Variants in SMIM43 observed in about 807,000 individuals in gnomAD.
SMIM43 encodes the protein Nodal Enhanced MEsendoderm Peptide.
upstream of SMIM43, chr4:121,765,311 C>T: frequency 2.8e-6 from 1 of 358,906 alleles, no homozygotes. Flanking sequence ...CGCAGACTCT[C>T]CCAGCTGGCA....
intron 1 of SMIM43, chr4:121,764,387 C>T (rs1043206299): frequency 5.9e-5 from 9 of 152,182 alleles, no homozygotes; most frequent in African/African-American, 1.9e-4. Flanking sequence ...ATATTTAAAG[C>T]AATATTTAAA....
chr4:121,760,646 T>C (rs1050171380), intron 5 of SMIM43, among the ~76,000 whole-genome samples, 172 bp from the exon 6 acceptor site: 3 of 152,204 alleles, frequency 2.0e-5, no homozygotes, highest in Admixed American at 2.0e-4. Context: ...TCCTATTCCA[T>C]TACCAAGATA....
Position 121,760,144 on chromosome 4 carries a change from G to T in SMIM43, c.*830C>A. The T allele has an allele frequency of 7.9e-7, 1 of 1,260,016 alleles. No homozygotes were observed. Among genetic ancestry groups the T allele is most frequent in the Non-Finnish European group, 1.1e-6 (1 of 925,200 alleles). 78.1% of individuals were successfully genotyped at this position (1,260,016 alleles called of 1,614,324 possible). A position where few individuals can be genotyped will look rare whatever the true frequency, so the allele number is the denominator to read the frequency against. ...AAGGAACTAGAGTTTTGATCTTTTT[G>T]AACTTTATGCTCCTCTGCAACTGTA... On this transcript the variant is annotated 3_prime_UTR_variant, in exon 6 of 6. Transcript: ENST00000643802.
intron 5 of SMIM43, among the ~76,000 whole-genome samples, chr4:121,760,685 G>A (rs937952047): frequency 6.6e-6 from 1 of 152,174 alleles, no homozygotes; most frequent in African/African-American, 2.4e-5. Context: ...CAATAGGAAA[G>A]TGTGATTTTT....
rs865858462 is a variant in SMIM43 at position 121,759,942 on chromosome 4, C to T, written c.*1032G>A. ...ACACCAACCCTCCACAAAGAGGTTA[C>T]GGCCACCAAGGAAGTGCACAGGTAC... On this transcript the variant is annotated 3_prime_UTR_variant, in exon 6 of 6. Transcript: ENST00000643802. 4 of 167,076 alleles carry T rather than the reference C, an allele frequency of 2.4e-5. No individual in the cohort carries two copies. Among genetic ancestry groups the T allele is most frequent in the South Asian group, 3.4e-4 (2 of 5,818 alleles). 10.3% of individuals were successfully genotyped at this position (167,076 alleles called of 1,614,324 possible). A position where few individuals can be genotyped will look rare whatever the true frequency, so the allele number is the denominator to read the frequency against.
At chr4:121,761,769 A>AT (rs571460148) in intron 4 of SMIM43, 61 bp downstream of exon 4, 104 of 1,610,282 alleles carry the variant, frequency 6.5e-5, no homozygotes, top group South Asian at 5.2e-4. Context: ...GTGTGATGTC[A>AT]TTCTCATTCA....
chr4:121,761,763 G>C, intron 4 of SMIM43, 67 bp downstream of exon 4: 14 of 1,609,672 alleles, frequency 8.7e-6, no homozygotes, highest in Non-Finnish European at 1.2e-5. Context: ...GTGTGAGTGT[G>C]ATGTCATTCT....
At chr4:121,762,148 C>T (rs1192376999) in intron 3 of SMIM43, among the ~76,000 whole-genome samples, 2 of 152,070 alleles carry the variant, frequency 1.3e-5, no homozygotes, top group Non-Finnish European at 2.9e-5. Flanking sequence ...CATATATATA[C>T]AGTCTTTAAA....
chr4:121,762,034 T>C, intron 3 of SMIM43, 142 bp from the exon 4 acceptor site: 2 of 681,654 alleles, frequency 2.9e-6, no homozygotes, highest in Non-Finnish European at 4.9e-6. Flanking sequence ...AAAAACCTTT[T>C]TATTGAAAAT....
intron 5 of SMIM43, among the ~76,000 whole-genome samples, chr4:121,761,001 G>T (rs1374020397): frequency 6.6e-6 from 1 of 151,856 alleles, no homozygotes; most frequent in African/African-American, 2.4e-5. Context: ...TCCACCTTCC[G>T]GTATGGGAAG....
intron 1 of SMIM43, 184 bp downstream of exon 1, chr4:121,764,633 T>C: frequency 2.9e-6 from 1 of 348,418 alleles, no homozygotes; most frequent in Non-Finnish European, 5.1e-6. Flanking sequence ...CTTTTCGCCA[T>C]CTCTCCCAGC....
At chr4:121,765,170 C>T (rs1321837329), upstream of SMIM43, 1 of 391,624 alleles carries the variant, frequency 2.6e-6, no homozygotes, top group Non-Finnish European at 4.5e-6. Context: ...AGGGCGAGCG[C>T]GCCGCCCGCA....
intron 3 of SMIM43, 116 bp from the exon 4 acceptor site, chr4:121,762,008 T>C (rs1726100054): frequency 1.2e-6 from 1 of 861,512 alleles, no homozygotes; most frequent in African/African-American, 1.7e-5. Flanking sequence ...CCTTCTAACA[T>C]TGCTGAAGAA....
chr4:121,761,568 A>G lies in SMIM43; in HGVS notation c.*469T>C. ...TCCAAGTTTCCACCCCTGCAAGCGA[A>G]CCAAAAACAAATCCTGGCACCTTGC... On this transcript the variant is annotated 3_prime_UTR_variant, in exon 5 of 6. Transcript: ENST00000643802. 1 of 1,611,442 alleles carries G rather than the reference A, an allele frequency of 6.2e-7. No individual in the cohort carries two copies. Among genetic ancestry groups the G allele is most frequent in the Non-Finnish European group, 8.5e-7 (1 of 1,178,928 alleles).
intron 3 of SMIM43, among the ~76,000 whole-genome samples, chr4:121,762,459 C>T (rs571575016): frequency 1.3e-5 from 2 of 152,130 alleles, no homozygotes; most frequent in African/African-American, 4.8e-5. Context: ...GGCAGGAGAT[C>T]AACAGCAGCA....
In SMIM43 at chr4:121,760,150, T is replaced by C. The variant is rs4075713; in HGVS notation, c.*824A>G. ...CTAGAGTTTTGATCTTTTTGAACTT[T>C]ATGCTCCTCTGCAACTGTATTCTGT... On this transcript the variant is annotated 3_prime_UTR_variant, in exon 6 of 6. Coordinates refer to ENST00000643802, the MANE Select transcript of SMIM43 (RefSeq NM_001384332.1). 23,062 of 1,314,908 alleles carry C rather than the reference T, an allele frequency of 0.018. 2,120 individuals are homozygous for C. In the African/African-American group the frequency reaches 0.24, roughly 14 times the overall value. The allele number at this position is 1,314,908 out of a possible 1,614,324, so 81.5% of individuals were successfully genotyped here.
chr4:121,764,548 T>G, intron 1 of SMIM43: 1 of 198,728 alleles, frequency 5.0e-6, no homozygotes. Context: ...ACTCCTTGGG[T>G]ATAACTAAAA....
In SMIM43 at chr4:121,761,637, T is replaced by C; in HGVS notation, c.*400A>G. 1 of 1,613,680 alleles carries C rather than the reference T, an allele frequency of 6.2e-7. No homozygotes were observed. Among genetic ancestry groups the C allele is most frequent in the Non-Finnish European group, 8.5e-7 (1 of 1,179,824 alleles). On this transcript the variant is annotated 3_prime_UTR_variant, in exon 5 of 6. Transcript: ENST00000643802. ...TGCATGGCACACTCTGGGTAAATTT[T>C]CTCTCTTATTCTGTAGAATCGCACC... is the stretch of plus-strand genomic sequence containing the variant.
chr4:121,762,827 A>G (rs1215029086), intron 2 of SMIM43, 29 bp from the exon 3 acceptor site: 1 of 152,250 alleles, frequency 6.6e-6, no homozygotes, highest in African/African-American at 2.4e-5. Flanking sequence ...TGTAAACTCA[A>G]GAAGGCAAGC....
Sources: gnomAD v4.1 joint callset for allele counts (sites outside exome capture counted in the v4.1 genomes callset) on GRCh38, gnomAD v4.1.1 for gene constraint, MANE v1.5 for transcripts, NCBI Gene and HGNC (gene_info 2026-07-23, HGNC 2026-07-21) for gene names.